Variants in LSP1 observed in about 807,000 individuals in gnomAD.
The protein encoded by LSP1 is lymphocyte-specific protein 1.
A neutral mutation model predicts 49.3 loss-of-function variants in LSP1; 32 were observed. The observed-to-expected ratio is 0.65, with a 90% CI of 0.49 to 0.87. LSP1 has a LOEUF of 0.87. Ranked by LOEUF, LSP1 falls within the 40% of genes least tolerant of loss-of-function variation. The pLI, the probability that LSP1 is intolerant of heterozygous loss-of-function variation, is 0.00. For synonymous variants in LSP1, 179 were observed against 178.8 expected (o/e 1.00, Z -0.01); for missense variants, 428 against 442.6 (o/e 0.97, Z 0.30).
At chr11:1,861,139 C>G (rs758637073) in intron 1 of LSP1, among the ~76,000 whole-genome samples, 6 of 152,194 alleles carry the variant, frequency 3.9e-5, no homozygotes, top group Non-Finnish European at 8.8e-5. Context: ...TCTCTCATCT[C>G]TTTTCAAATA....
chr11:1,882,627 C>T (rs1565086057), intron 3 of LSP1, among the ~76,000 whole-genome samples: 1 of 152,148 alleles, frequency 6.6e-6, no homozygotes, highest in Non-Finnish European at 1.5e-5. Context: ...CAGCAGGGGG[C>T]GCTTTGACTC....
chr11:1,869,110 G>A (rs954905187), intron 1 of LSP1: 1 of 717,588 alleles, frequency 1.4e-6, no homozygotes, highest in African/African-American at 1.9e-5. Flanking sequence ...TTAGGGAGAA[G>A]GGTGAGGGGC....
At chr11:1,876,755 G>A in intron 1 of LSP1, 1 of 589,744 alleles carries the variant, frequency 1.7e-6, no homozygotes. Context: ...AGAAGGGCCA[G>A]CGTCCCGAGT....
At chr11:1,858,971 T>C (rs921655488) in intron 1 of LSP1, among the ~76,000 whole-genome samples, 2 of 152,222 alleles carry the variant, frequency 1.3e-5, no homozygotes, top group African/African-American at 4.8e-5. Flanking sequence ...ATCTGCTAAC[T>C]GCCTCCAAGC....
At chr11:1,879,736 G>C (rs1332901198) in intron 1 of LSP1, among the ~76,000 whole-genome samples, 1 of 152,208 alleles carries the variant, frequency 6.6e-6, no homozygotes, top group East Asian at 1.9e-4. Flanking sequence ...TACTTAGGGA[G>C]GGAGGCAGGC....
chr11:1,884,147 C>A lies in LSP1; in HGVS notation c.591+123C>A, dbSNP rs1343089811. The A allele has an allele frequency of 7.7e-6, 11 of 1,421,742 alleles. No individual in the cohort carries two copies. The highest frequency in any genetic ancestry group is 9.9e-6 in the Non-Finnish European group (10 of 1,010,954). The allele number at this position is 1,421,742 out of a possible 1,614,324, so 88.1% of individuals were successfully genotyped here. On this transcript the variant is annotated intron_variant, in intron 5 of 10. Coordinates refer to ENST00000311604, the MANE Select transcript of LSP1 (RefSeq NM_002339.3). This position sits in a 1 kb window ranked among gnomAD's most constrained non-coding sequence, Gnocchi z 4.1. ...GCCTGGCTTTTGTCTGCTATCCCCC[C>A]ATTGCCCGGTGCTCAGCGAACCCCC...
rs1848814667 is a variant in LSP1, at chr11:1,887,681, G to A, written c.*13+105G>A. The A allele has an allele frequency of 5.9e-6, 5 of 844,344 alleles. No homozygotes were observed. The South Asian group carries it at 8.0e-5, about 14-fold the overall frequency. The allele number at this position is 844,344 out of a possible 1,614,324, so 52.3% of individuals were successfully genotyped here. A position where few individuals can be genotyped will look rare whatever the true frequency, so the allele number is the denominator to read the frequency against. On this transcript the variant is annotated intron_variant, in intron 10 of 10. Transcript: ENST00000311604. ...CCTGGAGCCCTGTTGCAGGCTACAA[G>A]GGTGGACTCCGAGTTGGCCAGAACC...
intron 10 of LSP1, 38 bp downstream of exon 10, chr11:1,887,614 A>G (rs1321908188): frequency 6.5e-7 from 1 of 1,531,346 alleles, no homozygotes; most frequent in African/African-American, 1.4e-5. Flanking sequence ...GATGAGGTGC[A>G]CACACGTGCA....
rs543904517 is a variant in LSP1, at chr11:1,889,591, C to G, written c.*13+2015C>G. 7.6e-4 allele frequency: 467 copies of G among 612,590 alleles called. 1 individual carries two copies. The highest frequency in any genetic ancestry group is 1.2e-3 in the Non-Finnish European group (390 of 334,050). 37.9% of individuals were successfully genotyped at this position (612,590 alleles called of 1,614,324 possible). ...CCACTGAGCCGGGGCTTGGGTGCAA[C>G]TTTGGGGACAGGGCATGGGTGAGGG... On this transcript the variant is annotated intron_variant, in intron 10 of 10. Transcript: ENST00000311604.
intron 1 of LSP1, among the ~76,000 whole-genome samples, chr11:1,856,421 C>T (rs1847491118): frequency 1.3e-5 from 2 of 152,256 alleles, no homozygotes; most frequent in Admixed American, 1.3e-4. Flanking sequence ...CACCCAACCG[C>T]CCTGCTCCTC....
chr11:1,866,092 C>T (rs529672858), intron 1 of LSP1, among the ~76,000 whole-genome samples: 2 of 152,278 alleles, frequency 1.3e-5, no homozygotes, highest in East Asian at 3.9e-4. Flanking sequence ...TCAGAGATAT[C>T]CCTCTGCACC....
Position 1,854,756 on chromosome 11 carries a change from C to T in LSP1, c.53+1559C>T, listed in dbSNP as rs143944521. Among the ~76,000 whole-genome samples, 618 of 152,240 alleles carry T rather than the reference C, an allele frequency of 4.1e-3. 3 individuals are homozygous for T. Among genetic ancestry groups the T allele is most frequent in the African/African-American group, 0.014 (586 of 41,538 alleles). On this transcript the variant is annotated intron_variant, in intron 1 of 10. Transcript: ENST00000311604. Reference sequence around the variant, plus strand: ...CAACAGCTGTGTCCCAGCTGCAAAACGGGCCCTCCTGTCAGCACCACCCCC... The same window carrying T: ...CAACAGCTGTGTCCCAGCTGCAAAATGGGCCCTCCTGTCAGCACCACCCCC...
chr11:1,879,330 A>T (rs1848441137), intron 1 of LSP1, among the ~76,000 whole-genome samples: 1 of 152,186 alleles, frequency 6.6e-6, no homozygotes, highest in Non-Finnish European at 1.5e-5. Context: ...GGGCAACAAG[A>T]GTGAAACTCC....
intron 10 of LSP1, among the ~76,000 whole-genome samples, 194 bp downstream of exon 10, chr11:1,887,770 ACT>A (rs1181898300): frequency 2.3e-4 from 35 of 150,894 alleles, no homozygotes; most frequent in South Asian, 1.9e-3. Context: ...CCAGATTCAA[ACT>A]CTCTGCTCAT....
intron 1 of LSP1, among the ~76,000 whole-genome samples, chr11:1,875,668 C>T (rs1429443650): frequency 6.6e-6 from 1 of 152,250 alleles, no homozygotes; most frequent in African/African-American, 2.4e-5. Flanking sequence ...TGACCCCCAC[C>T]CTCCCCTGCC....
chr11:1,871,025 G>T (rs1178717213), intron 1 of LSP1: 1 of 985,512 alleles, frequency 1.0e-6, no homozygotes, highest in Admixed American at 6.1e-5. Flanking sequence ...GCACCGAGTG[G>T]GGCTGCATGT....
chr11:1,886,711 G>A (rs772422264), intron 7 of LSP1, 21 bp from the exon 8 acceptor site: 16 of 1,596,384 alleles, frequency 1.0e-5, no homozygotes, highest in Middle Eastern at 2.3e-4. Flanking sequence ...AGGTAATCCT[G>A]ATGCTTTTCC....
rs1317970452 is a variant in LSP1 at position 1,878,696 on chromosome 11, C to T, written c.54-1391C>T. ...GGGATCAGGCTGCAGGGTCAGGCAG[C>T]GGCCACTGGCCGGGAAGAACTGAGA... On this transcript the variant is annotated intron_variant, in intron 1 of 10. Coordinates refer to ENST00000311604, the MANE Select transcript of LSP1 (RefSeq NM_002339.3). Among the ~76,000 whole-genome samples, 6 of 152,092 alleles carry T rather than the reference C, an allele frequency of 3.9e-5. No individual in the cohort carries two copies. In the East Asian group the frequency reaches 9.6e-4, roughly 24 times the overall value.
intron 10 of LSP1, chr11:1,890,276 C>T (rs1848940658): frequency 1.4e-6 from 1 of 712,728 alleles, no homozygotes; most frequent in South Asian, 1.5e-5. Context: ...TGCGGGGAGC[C>T]TCGGCGGGGC....
Sources: allele counts gnomAD v4.1 joint callset (sites outside exome capture counted in the v4.1 genomes callset), GRCh38; gene constraint gnomAD v4.1.1; non-coding constraint Gnocchi (gnomAD v3.1); transcripts MANE v1.5; gene names NCBI Gene and HGNC (gene_info 2026-07-23, HGNC 2026-07-21).